UCMA: variants seen among roughly 807,000 people sequenced by gnomAD.
UCMA encodes upper zone of growth plate and cartilage matrix associated.
UCMA carries 21 observed loss-of-function variants against 21.8 expected under a neutral mutation model. That is an observed-to-expected ratio of 0.97 (90% CI 0.68 to 1.39). UCMA has a LOEUF of 1.39. UCMA is among the 40% of genes most tolerant of loss of function. The pLI is 0.00. For missense variants in UCMA, 193 were observed against 178.9 expected, an observed-to-expected ratio of 1.08 and a Z score of -0.45; for synonymous variants, 76 against 67.9, an observed-to-expected ratio of 1.12 and a Z score of -0.58.
At chr10:13,223,425 A>G (rs1834784538) in intron 4 of UCMA, among the ~76,000 whole-genome samples, 2 of 152,220 alleles carry the variant, frequency 1.3e-5, no homozygotes, top group African/African-American at 2.4e-5. Context: ...TTTCGCCACA[A>G]AAAGGAATGA....
Position 13,227,666 on chromosome 10 carries a change from G to A in UCMA, c.319+1945C>T, listed in dbSNP as rs1834839619. Among the ~76,000 whole-genome samples the A allele has an allele frequency of 4.9e-5, 7 of 141,546 alleles. No homozygotes were observed. In the South Asian group the frequency reaches 1.6e-3, roughly 32 times the overall value. The allele number at this position is 141,546 out of a possible 152,430, so 92.9% of individuals were successfully genotyped here. A position where few individuals can be genotyped will look rare whatever the true frequency, so the allele number is the denominator to read the frequency against. On this transcript the variant is annotated intron_variant, in intron 4 of 4. Transcript: ENST00000378681. ...TCGGAGCGGGAGGTTGCGGTGAGCT[G>A]AGATCATGCCACTGCACTCCAGCCT...
rs112197018 is a variant in UCMA at position 13,223,875 on chromosome 10, C to CAA, written c.320-1677_320-1676dup. On this transcript the variant is annotated intron_variant, in intron 4 of 4. Transcript: ENST00000378681. Reference sequence around the variant, plus strand: ...CCTAGAATGGGCAAATTTACAGAGACAAAAAAAAAAAGAGGTTGCCAGAGG... The same window carrying CAA: ...CCTAGAATGGGCAAATTTACAGAGACAAAAAAAAAAAAAGAGGTTGCCAGAGG... Among the ~76,000 whole-genome samples the CAA allele has an allele frequency of 3.4e-3, 487 of 144,342 alleles. 2 individuals are homozygous for CAA. The highest frequency in any genetic ancestry group is 0.011 in the African/African-American group (439 of 39,558). The allele number at this position is 144,342 out of a possible 152,430, so 94.7% of individuals were successfully genotyped here. A position where few individuals can be genotyped will look rare whatever the true frequency, so the allele number is the denominator to read the frequency against.
chr10:13,225,350 G>A (rs761759535), intron 4 of UCMA, among the ~76,000 whole-genome samples: 3 of 135,180 alleles, frequency 2.2e-5, no homozygotes, highest in South Asian at 2.5e-4. Context: ...GGGAGATGTC[G>A]AATATCCAAC....
In UCMA at chr10:13,221,862, T is replaced by A. The variant is rs1834760704; in HGVS notation, c.*241A>T. The stretch of plus-strand genomic sequence containing the variant: ...CGAAGCCAGGGGAAGCCACTGTAGG[T>A]TTGGTACTAGGAGGCCCTGCAGGCA... On this transcript the variant is annotated 3_prime_UTR_variant, in exon 5 of 5. Transcript: ENST00000378681. 1.9e-6 allele frequency: 1 copy of A among 516,482 alleles called. No homozygotes were observed. The highest frequency in any genetic ancestry group is 3.5e-5 in the Admixed American group (1 of 28,818). 32.0% of individuals were successfully genotyped at this position (516,482 alleles called of 1,614,324 possible).
At chr10:13,229,477 G>T (rs1834868987) in intron 4 of UCMA, 134 bp downstream of exon 4, 5 of 733,136 alleles carry the variant, frequency 6.8e-6, no homozygotes, top group Non-Finnish European at 1.1e-5. Flanking sequence ...CTGCATTCCA[G>T]CCTGGGCAAC....
intron 3 of UCMA, 47 bp downstream of exon 3, chr10:13,233,491 G>A (rs1306240831): frequency 2.0e-6 from 3 of 1,506,738 alleles, no homozygotes; most frequent in South Asian, 1.2e-5. Flanking sequence ...GGGGGTGTGA[G>A]CAGAGGTGGT....
intron 1 of UCMA, 84 bp downstream of exon 1, chr10:13,234,117 A>G: frequency 3.7e-6 from 5 of 1,346,116 alleles, no homozygotes; most frequent in Non-Finnish European, 5.1e-6. Context: ...TTCTACCTGC[A>G]TCACCTGAGC....
At chr10:13,232,380 A>G (rs1834910768) in intron 3 of UCMA, among the ~76,000 whole-genome samples, 1 of 148,176 alleles carries the variant, frequency 6.7e-6, no homozygotes, top group South Asian at 2.2e-4. Flanking sequence ...TCAAAAAAAA[A>G]AAAAAAAAAA....
rs142411244 is a variant in UCMA at position 13,227,172 on chromosome 10, G to A, written c.319+2439C>T. Among the ~76,000 whole-genome samples, 1,075 of 152,288 alleles carry A rather than the reference G, an allele frequency of 7.1e-3. 7 individuals are homozygous for A. Among genetic ancestry groups the A allele is most frequent in the Non-Finnish European group, 0.011 (746 of 68,026 alleles). On this transcript the variant is annotated intron_variant, in intron 4 of 4. Transcript: ENST00000378681. Reference sequence around the variant, plus strand: ...ACCTGTTTGCAGGCCTCAGCCAGGTGCACCTGCAGGGCAATGGGCATAGCC... The same window carrying A: ...ACCTGTTTGCAGGCCTCAGCCAGGTACACCTGCAGGGCAATGGGCATAGCC...
chr10:13,234,203 G>C lies in UCMA; in HGVS notation c.56C>G (p.Ser19Cys). 1.9e-6 allele frequency: 3 copies of C among 1,613,660 alleles called. No individual in the cohort carries two copies. Among genetic ancestry groups the C allele is most frequent in the Non-Finnish European group, 2.5e-6 (3 of 1,179,878 alleles). The change falls in exon 1 of 5, where the codon TCT becomes TGT. Residue 19 changes from serine to cysteine, a missense_variant and splice_region_variant. Transcript: ENST00000378681. ...LSCFSAVVLL[S>C]MLREGTSVSV... ...CACCTTGACCCTCCTGTACTCACTA[G>C]ACAGGAGCACCACGGCGGAGAAGCA... is the stretch of plus-strand genomic sequence containing the variant.
At chr10:13,231,337 A>G (rs891374778) in intron 3 of UCMA, among the ~76,000 whole-genome samples, 47 of 152,066 alleles carry the variant, frequency 3.1e-4, no homozygotes, top group African/African-American at 1.1e-3. Flanking sequence ...CGGCATTCAC[A>G]CATTTCTCAG....
At chr10:13,229,846 T>C in intron 3 of UCMA, 137 bp from the exon 4 acceptor site, 1 of 637,832 alleles carries the variant, frequency 1.6e-6, no homozygotes, top group East Asian at 2.8e-5. Context: ...GATTGGAGAC[T>C]TCCCTGAAAT....
Position 13,222,862 on chromosome 10 carries a change from T to C in UCMA, c.320-662A>G, listed in dbSNP as rs558604717. ...TTTTAATTTTTTTATGGAGGTGGAA[T>C]TTCAGTGTGTTGTCCAGGCTGGTCT... On this transcript the variant is annotated intron_variant, in intron 4 of 4. Transcript: ENST00000378681. Among the ~76,000 whole-genome samples, 14 of 151,886 alleles carry C rather than the reference T, an allele frequency of 9.2e-5. No individual in the cohort carries two copies. The South Asian group carries it at 2.7e-3, about 29-fold the overall frequency.
chr10:13,234,337 G>A lies in UCMA; in HGVS notation c.-79C>T. ...GCACCCTTTGGGTCCCCACTTCTGA[G>A]GCAGGCAGCCCAGGCGAGAGGAAGG... On this transcript the variant is annotated 5_prime_UTR_variant, in exon 1 of 5. Coordinates refer to ENST00000378681, the MANE Select transcript of UCMA (RefSeq NM_145314.3). 2.7e-6 allele frequency: 4 copies of A among 1,504,332 alleles called. No homozygotes were observed. Among genetic ancestry groups the A allele is most frequent in the Non-Finnish European group, 3.6e-6 (4 of 1,101,086 alleles). The allele number at this position is 1,504,332 out of a possible 1,614,324, so 93.2% of individuals were successfully genotyped here.
At chr10:13,225,410 C>T (rs1834811438) in intron 4 of UCMA, among the ~76,000 whole-genome samples, 1 of 152,000 alleles carries the variant, frequency 6.6e-6, no homozygotes, top group Admixed American at 6.6e-5. Flanking sequence ...GGCGGGGGCT[C>T]ACGCCTGTAA....
rs1459783407 is a variant in UCMA at position 13,232,373 on chromosome 10, A to G, written c.220+1165T>C. On this transcript the variant is annotated intron_variant, in intron 3 of 4. Transcript: ENST00000378681. ...GGCGACAGAGTGAGACTCCATCTCA[A>G]AAAAAAAAAAAAAAAAAAAAAAGAG... Among the ~76,000 whole-genome samples the G allele has an allele frequency of 2.1e-3, 32 of 15,508 alleles. 1 individual carries two copies. In the South Asian group the frequency reaches 0.043, roughly 21 times the overall value. The allele number at this position is 15,508 out of a possible 152,430, so 10.2% of individuals were successfully genotyped here.
intron 4 of UCMA, among the ~76,000 whole-genome samples, chr10:13,228,945 ATTTTT>A (rs1834860316): frequency 8.3e-6 from 1 of 120,002 alleles, no homozygotes; most frequent in African/African-American, 3.2e-5. Context: ...ATTTTATTTT[ATTTTT>A]TTGATATGGA....
At position 13,222,117 on chromosome 10, in the gene UCMA, G is replaced by T. The variant is rs758875954; in HGVS notation, c.403C>A (p.Arg135Ser). ...TCAGGATGGGATCAGGTGTGGTGGCGGTTGTAGAGATAGGATGGGTGCAGG... is the reference window on the plus strand; with the variant it reads ...TCAGGATGGGATCAGGTGTGGTGGCTGTTGTAGAGATAGGATGGGTGCAGG... ...DGLHPSYLYN[R>S]HHT The change falls in exon 5 of 5, where the codon CGC (arginine) becomes AGC (serine). Residue 135 changes from arginine (R) to serine (S), a missense_variant. Arg to Ser is a moderately radical substitution (Grantham distance 110, BLOSUM62 -1). Coordinates refer to ENST00000378681, the MANE Select transcript of UCMA (RefSeq NM_145314.3). 6.2e-7 allele frequency: 1 copy of T among 1,614,152 alleles called. No homozygotes were observed. The highest frequency in any genetic ancestry group is 1.1e-5 in the South Asian group (1 of 91,074).
chr10:13,233,890 G>A (rs960722685), intron 1 of UCMA, 90 bp from the exon 2 acceptor site: 12 of 1,524,522 alleles, frequency 7.9e-6, no homozygotes, highest in Middle Eastern at 1.8e-4. Flanking sequence ...CAGGCTAAGC[G>A]TCCTGCCAGG....
Sources: gnomAD v4.1 joint callset for allele counts (sites outside exome capture counted in the v4.1 genomes callset) on GRCh38, gnomAD v4.1.1 for gene constraint, MANE v1.5 for transcripts, NCBI Gene and HGNC (gene_info 2026-07-23, HGNC 2026-07-21) for gene names.